ABCA9: variants seen among roughly 807,000 people sequenced by gnomAD.
ABCA9 encodes ATP-binding cassette sub-family A member 9.
ABCA9 carries 183 observed loss-of-function variants against 205.3 expected under a neutral mutation model. The observed-to-expected ratio is 0.89, with a 90% CI of 0.79 to 1.01. The LOEUF (loss-of-function observed/expected upper bound fraction) is 1.01. ABCA9 is among the 50% of genes least tolerant of loss of function. The pLI, the probability that ABCA9 is intolerant of heterozygous loss-of-function variation, is 0.00. For missense variants in ABCA9, 1,805 were observed against 1,912.4 expected, an observed-to-expected ratio of 0.94 and a Z score of 1.05; for synonymous variants, 651 against 683.3, an observed-to-expected ratio of 0.95 and a Z score of 0.74.
chr17:69,025,996 A>G (rs570883808), intron 16 of ABCA9, among the ~76,000 whole-genome samples: 72 of 152,220 alleles, frequency 4.7e-4, no homozygotes, highest in Admixed American at 1.3e-3. Flanking sequence ...GAAAAAAACC[A>G]CAAAAGGATG....
At chr17:69,031,994 C>G (rs2071165145) in intron 10 of ABCA9, 114 bp downstream of exon 10, 3 of 907,648 alleles carry the variant, frequency 3.3e-6, no homozygotes, top group Non-Finnish European at 5.1e-6. Flanking sequence ...AGCAGGCTGG[C>G]TGTAGGTGGG....
intron 36 of ABCA9, 59 bp downstream of exon 36, chr17:68,983,650 T>C: frequency 1.3e-6 from 2 of 1,594,936 alleles, no homozygotes; most frequent in South Asian, 1.1e-5. Context: ...TCCGTCATCA[T>C]AGCAGAAATA....
At chr17:69,057,633 T>C (rs1053676025) in intron 1 of ABCA9, among the ~76,000 whole-genome samples, 1 of 152,220 alleles carries the variant, frequency 6.6e-6, no homozygotes, top group Non-Finnish European at 1.5e-5. Context: ...ATAATGAAGG[T>C]AACTTACTTC....
Position 68,993,375 on chromosome 17 carries a change from C to G in ABCA9, c.3556-291G>C, listed in dbSNP as rs564692446. Among the ~76,000 whole-genome samples the G allele has an allele frequency of 8.5e-5, 13 of 152,330 alleles. No homozygotes were observed. In the South Asian group the frequency reaches 2.7e-3, roughly 32 times the overall value. ...AGGATCCTTTGAAGCAATGCCAAGTCTGTCTTAAGACAAACCCTCTCCCCT... is the reference window on the plus strand; with the variant it reads ...AGGATCCTTTGAAGCAATGCCAAGTGTGTCTTAAGACAAACCCTCTCCCCT... On this transcript the variant is annotated intron_variant, in intron 26 of 38. Transcript: ENST00000340001.
intron 18 of ABCA9, chr17:69,020,864 A>G (rs1301535607): frequency 9.8e-6 from 3 of 306,824 alleles, no homozygotes; most frequent in Non-Finnish European, 1.8e-5. Flanking sequence ...CAATGAAAAA[A>G]AACTCATTAA....
chr17:69,018,589 G>C lies in ABCA9; in HGVS notation c.2601-10C>G, dbSNP rs372150436. 13 of 1,542,392 alleles carry C rather than the reference G, an allele frequency of 8.4e-6. No individual in the cohort carries two copies. The highest frequency in any genetic ancestry group is 1.1e-5 in the Non-Finnish European group (13 of 1,153,772). On this transcript the variant is annotated splice_polypyrimidine_tract_variant and intron_variant, in intron 19 of 38. Coordinates refer to ENST00000340001, the MANE Select transcript of ABCA9 (RefSeq NM_080283.4). ...ACCAAAAAGCAATAATCTATGCAGA[G>C]GAAAATGTAAAAGAAAAAAATAATT...
chr17:69,046,901 A>G (rs1198196010), intron 3 of ABCA9, among the ~76,000 whole-genome samples: 1 of 116,910 alleles, frequency 8.6e-6, no homozygotes, highest in African/African-American at 3.6e-5. Flanking sequence ...ATATATATAT[A>G]TATATATATA....
chr17:69,069,824 G>A, the ABCA9 span, among the ~76,000 whole-genome samples: 1 of 151,948 alleles, frequency 6.6e-6, no homozygotes, highest in Admixed American at 6.6e-5. Flanking sequence ...GATATTTTTA[G>A]CAAACTATGT....
chr17:69,013,392 A>G (rs1022551587), intron 22 of ABCA9, among the ~76,000 whole-genome samples: 17 of 152,234 alleles, frequency 1.1e-4, no homozygotes, highest in African/African-American at 3.6e-4. Flanking sequence ...CTGAGACATT[A>G]CAGCATATAA....
chr17:69,009,118 TA>T lies in ABCA9; in HGVS notation c.3148-884del, dbSNP rs146182901. ...AATGTATACCGTATGGCTGGCTTCA[TA>T]TTGGTCACGGGGCACTTATAAATTT... is the stretch of plus-strand genomic sequence containing the variant. On this transcript the variant is annotated intron_variant, in intron 23 of 38. Coordinates refer to ENST00000340001, the MANE Select transcript of ABCA9 (RefSeq NM_080283.4). Among the ~76,000 whole-genome samples the T allele has an allele frequency of 6.5e-3, 986 of 152,324 alleles. 18 individuals carry two copies. Among genetic ancestry groups the T allele is most frequent in the African/African-American group, 0.023 (952 of 41,558 alleles).
chr17:69,026,392 A>G lies in ABCA9; in HGVS notation c.2126T>C (p.Ile709Thr), dbSNP rs1187785672. The G allele has an allele frequency of 6.2e-7, 1 of 1,613,494 alleles. No homozygotes were observed. The highest frequency in any genetic ancestry group is 8.5e-7 in the Non-Finnish European group (1 of 1,179,482). ...AGGGCTGTACCTTAAATGGTAGCCTATGCCCCATTTCTTCTTAAGGAACAG... is the reference window on the plus strand; with the variant it reads ...AGGGCTGTACCTTAAATGGTAGCCTGTGCCCCATTTCTTCTTAAGGAACAG... ...SSLFLKKKWGIGYHLSLHLNE... is the reference protein window; with the variant it reads ...SSLFLKKKWGTGYHLSLHLNE... Residue 709 changes from isoleucine (I) to threonine (T), a missense_variant, in exon 16 of 39, where the codon ATA becomes ACA. Transcript: ENST00000340001.
At chr17:69,013,561 A>G (rs2070464427) in intron 22 of ABCA9, among the ~76,000 whole-genome samples, 1 of 152,154 alleles carries the variant, frequency 6.6e-6, no homozygotes, top group Non-Finnish European at 1.5e-5. Flanking sequence ...ATCACAATTC[A>G]TCTTGACAAC....
chr17:69,078,180 C>T, the ABCA9 span, among the ~76,000 whole-genome samples: 1 of 149,698 alleles, frequency 6.7e-6, no homozygotes. Flanking sequence ...CCTCCTAATA[C>T]TTGTGAGGTT....
Position 68,986,021 on chromosome 17 carries a change from A to G in ABCA9, c.4208+143T>C, listed in dbSNP as rs1485426714. ...TCCAGGCTCAAAGTGAGAGAAAACA[A>G]CACTGAACAGAGTTCTAGATGACCA... is the stretch of plus-strand genomic sequence containing the variant. On this transcript the variant is annotated intron_variant, in intron 32 of 38. Transcript: ENST00000340001. The G allele has an allele frequency of 2.2e-5, 15 of 697,504 alleles. No homozygotes were observed. The Admixed American group carries it at 2.8e-4, about 13-fold the overall frequency. The allele number at this position is 697,504 out of a possible 1,614,324, so 43.2% of individuals were successfully genotyped here.
intron 37 of ABCA9, among the ~76,000 whole-genome samples, chr17:68,976,524 C>A (rs780018729): frequency 6.6e-6 from 1 of 152,184 alleles, no homozygotes. Context: ...TTGTCTACTC[C>A]AAAGGCTGAT....
chr17:69,077,867 G>A, the ABCA9 span, among the ~76,000 whole-genome samples: 5 of 151,710 alleles, frequency 3.3e-5, 1 homozygote, highest in African/African-American at 4.8e-5. Flanking sequence ...AAAGTAATAT[G>A]TTAAACTGAC....
intron 6 of ABCA9, among the ~76,000 whole-genome samples, chr17:69,041,467 G>T (rs1482946910): frequency 4.6e-5 from 7 of 152,066 alleles, no homozygotes; most frequent in Admixed American, 4.6e-4. Flanking sequence ...ACTTTGGGAG[G>T]CCGAGGCAGG....
chr17:69,051,098 T>C lies in ABCA9; in HGVS notation c.29A>G (p.Gln10Arg), dbSNP rs1000763199. MSKRRMSVG[Q>R]QTWALLCKNC... ...CTTGCAGAGAAGAGCCCATGTTTGC[T>C]GACCCACGCTCATGCGTCTCTTGCT... Residue 10 changes from glutamine (Q) to arginine (R), a missense_variant, in exon 2 of 39, where the codon CAG (glutamine) becomes CGG (arginine). Coordinates refer to ENST00000340001, the MANE Select transcript of ABCA9 (RefSeq NM_080283.4). The C allele has an allele frequency of 6.2e-7, 1 of 1,613,762 alleles. No individual in the cohort carries two copies.
intron 25 of ABCA9, 147 bp downstream of exon 25, chr17:69,007,612 G>A (rs916375525): frequency 1.7e-6 from 1 of 579,786 alleles, no homozygotes; most frequent in Non-Finnish European, 3.1e-6. Flanking sequence ...TCATAGAGTA[G>A]ACTTTAAATA....
Sources: gnomAD v4.1 joint callset for allele counts (sites outside exome capture counted in the v4.1 genomes callset) on GRCh38, gnomAD v4.1.1 for gene constraint, MANE v1.5 for transcripts, NCBI Gene and HGNC (gene_info 2026-07-23, HGNC 2026-07-21) for gene names.